KCNQ3: variants seen among roughly 807,000 people sequenced by gnomAD.
The protein encoded by KCNQ3 is potassium voltage-gated channel subfamily Q member 3.
KCNQ3 carries 30 observed loss-of-function variants against 92.5 expected under a neutral mutation model. The ratio of observed to expected loss-of-function variants is 0.32; its 90% CI spans 0.24 to 0.44. The LOEUF (loss-of-function observed/expected upper bound fraction) is 0.44, where lower values mean the gene tolerates loss of function less well. Ranked by LOEUF, KCNQ3 falls within the 20% of genes least tolerant of loss-of-function variation. The pLI is 1.00. For synonymous variants in KCNQ3, 450 were observed against 468.8 expected (o/e 0.96, Z 0.52); for missense variants, 913 against 1,140.3 (o/e 0.80, Z 2.87).
At chr8:132,151,236 C>T (rs1825627722) in intron 9 of KCNQ3, among the ~76,000 whole-genome samples, 1 of 152,096 alleles carries the variant, frequency 6.6e-6, no homozygotes, top group Admixed American at 6.5e-5. Context: ...AAACAAATTA[C>T]CAGGTTCTAC....
chr8:132,277,317 T>C (rs1816365311), intron 1 of KCNQ3, among the ~76,000 whole-genome samples: 1 of 152,218 alleles, frequency 6.6e-6, no homozygotes, highest in African/African-American at 2.4e-5. Flanking sequence ...AATCCAGTCC[T>C]CTTTCCACTC....
intron 1 of KCNQ3, among the ~76,000 whole-genome samples, chr8:132,304,005 A>G (rs1817340485): frequency 6.6e-6 from 1 of 152,182 alleles, no homozygotes; most frequent in South Asian, 2.1e-4. Flanking sequence ...TTGCAGCAAC[A>G]TGGATGGAAC....
intron 1 of KCNQ3, among the ~76,000 whole-genome samples, chr8:132,220,825 T>TC: frequency 6.6e-6 from 1 of 152,304 alleles, no homozygotes; most frequent in Admixed American, 6.5e-5. Flanking sequence ...TTTTTATTTT[T>TC]TTTATTATAC....
intron 1 of KCNQ3, among the ~76,000 whole-genome samples, chr8:132,404,000 A>C (rs1820413068): frequency 6.6e-6 from 1 of 152,154 alleles, no homozygotes; most frequent in Admixed American, 6.5e-5. Context: ...TTCTCCCTGA[A>C]TCTCTTCTGA....
chr8:132,324,694 C>A (rs142908267), intron 1 of KCNQ3, among the ~76,000 whole-genome samples: 19 of 152,276 alleles, frequency 1.2e-4, no homozygotes, highest in African/African-American at 4.1e-4. Flanking sequence ...CTGAAACCAT[C>A]GCATGGAGAG....
intron 1 of KCNQ3, among the ~76,000 whole-genome samples, chr8:132,413,843 T>G (rs1366078359): frequency 6.6e-6 from 1 of 152,236 alleles, no homozygotes; most frequent in East Asian, 1.9e-4. Context: ...TGTGTCACGC[T>G]GTCTGCAGGA....
In KCNQ3 at chr8:132,129,586, G is replaced by T. The variant is rs201183533; in HGVS notation, c.2295C>A (p.Asp765Glu). The change falls in exon 15 of 15, where the codon GAC (aspartate) becomes GAA (glutamate). Residue 765 changes from aspartate to glutamate, a missense_variant. Coordinates refer to ENST00000388996, the MANE Select transcript of KCNQ3 (RefSeq NM_004519.4). This position sits in a 1 kb window ranked among gnomAD's most constrained non-coding sequence, Gnocchi z 5.9. Reference protein sequence around the residue: ...DSRVSCHSQADLQGPYSDRIS... With the variant: ...DSRVSCHSQAELQGPYSDRIS... Reference sequence around the variant, plus strand: ...TTCGGTCCGAGTAGGGGCCCTGCAGGTCAGCCTGGGAGTGGCAGCTCACTC... The same window carrying T: ...TTCGGTCCGAGTAGGGGCCCTGCAGTTCAGCCTGGGAGTGGCAGCTCACTC... 17 of 1,614,202 alleles carry T rather than the reference G, an allele frequency of 1.1e-5. No individual in the cohort carries two copies. In the Admixed American group the frequency reaches 1.3e-4, roughly 13 times the overall value.
Position 132,141,180 on chromosome 8 carries a change from A to G in KCNQ3, c.1414T>C (p.Phe472Leu). 1 of 1,614,172 alleles carries G rather than the reference A, an allele frequency of 6.2e-7. No homozygotes were observed. The highest frequency in any genetic ancestry group is 1.1e-5 in the South Asian group (1 of 91,078). Residue 472 changes from phenylalanine to leucine, a missense_variant, in exon 10 of 15, where the codon TTC becomes CTC. Physicochemically the swap from Phe to Leu is conservative, Grantham distance 22. Transcript: ENST00000388996. ...GCTTTCATGCGGAAGGCCGTGCGGA[A>G]ACGCTCTTTATTGTTTAAGCCAACA... is the stretch of plus-strand genomic sequence containing the variant. ...KPVGLNNKER[F>L]RTAFRMKAYA...
intron 1 of KCNQ3, among the ~76,000 whole-genome samples, chr8:132,261,357 G>A (rs1815779106): frequency 6.6e-6 from 1 of 152,134 alleles, no homozygotes; most frequent in African/African-American, 2.4e-5. Context: ...CACCCAGTGG[G>A]GCTCTGCACT....
In KCNQ3 at chr8:132,184,305, A is replaced by G; in HGVS notation, c.540T>C (p.Cys180=). 1.2e-6 allele frequency: 2 copies of G among 1,614,180 alleles called. No individual in the cohort carries two copies. The highest frequency in any genetic ancestry group is 4.5e-5 in the East Asian group (2 of 44,882). ...CCCGCCAGCCTTTGTATCGGCAGCA[A>G]CATCCAGCAGCCCAGATCCTCAAAG... is the stretch of plus-strand genomic sequence containing the variant. ...EFALRIWAAG[C]CCRYKGWRGR... The change falls in exon 3 of 15, where the codon TGT becomes TGC. Residue 180 remains cysteine (C), a synonymous_variant. Coordinates refer to ENST00000388996, the MANE Select transcript of KCNQ3 (RefSeq NM_004519.4).
At chr8:132,187,196 C>T (rs959491504) in intron 1 of KCNQ3, 11 of 455,876 alleles carry the variant, frequency 2.4e-5, no homozygotes, top group African/African-American at 1.4e-4. Flanking sequence ...TTAGGTTCTA[C>T]CCATGCTTTT....
At chr8:132,297,535 T>G (rs914788356) in intron 1 of KCNQ3, among the ~76,000 whole-genome samples, 3 of 152,228 alleles carry the variant, frequency 2.0e-5, no homozygotes, top group Non-Finnish European at 4.4e-5. Flanking sequence ...TCCTAGAGCC[T>G]TTCCCACTAC....
At chr8:132,213,788 T>G (rs1298923409) in intron 1 of KCNQ3, among the ~76,000 whole-genome samples, 2 of 152,214 alleles carry the variant, frequency 1.3e-5, no homozygotes, top group Admixed American at 1.3e-4. Flanking sequence ...CTTATCAAGG[T>G]CCCCTTGACC....
In KCNQ3 at chr8:132,132,266, TAAG is replaced by T; in HGVS notation, c.1800-5_1800-3del. The T allele has an allele frequency of 6.2e-7, 1 of 1,610,082 alleles. No homozygotes were observed. The highest frequency in any genetic ancestry group is 8.5e-7 in the Non-Finnish European group (1 of 1,176,378). ...GGTCTGGCTACATATGGTTCATTCCTAAGAAGAAGCGAACACTTCTATAAGATC... is the reference window on the plus strand; with the variant it reads ...GGTCTGGCTACATATGGTTCATTCCTAAGAAGCGAACACTTCTATAAGATC... On this transcript the variant is annotated splice_region_variant and splice_polypyrimidine_tract_variant and intron_variant, in intron 13 of 14. Transcript: ENST00000388996.
In KCNQ3 at chr8:132,124,525, A is replaced by C. The variant is rs1453374050; in HGVS notation, c.*4737T>G. 6.7e-6 allele frequency: 1 copy of C among 150,374 alleles called. No individual in the cohort carries two copies. The highest frequency in any genetic ancestry group is 1.5e-5 in the Non-Finnish European group (1 of 67,334). 9.3% of individuals were successfully genotyped at this position (150,374 alleles called of 1,614,324 possible). On this transcript the variant is annotated 3_prime_UTR_variant, in exon 15 of 15. Transcript: ENST00000388996. ...CATCTCTGTATGATTCCTCTTTTACACTGCCATTACTGGCTTCTAAAACCA... is the reference window on the plus strand; with the variant it reads ...CATCTCTGTATGATTCCTCTTTTACCCTGCCATTACTGGCTTCTAAAACCA...
chr8:132,296,895 G>A (rs1817049030), intron 1 of KCNQ3, among the ~76,000 whole-genome samples: 1 of 151,960 alleles, frequency 6.6e-6, no homozygotes, highest in Non-Finnish European at 1.5e-5. Flanking sequence ...AATCCTTTGG[G>A]TATATACCCA....
intron 1 of KCNQ3, among the ~76,000 whole-genome samples, chr8:132,364,485 A>C (rs1284367852): frequency 1.3e-5 from 2 of 152,262 alleles, no homozygotes; most frequent in East Asian, 3.9e-4. Context: ...TATCATCTCA[A>C]GGTTCAGGAA....
At chr8:132,168,949 G>C (rs553169551) in intron 8 of KCNQ3, among the ~76,000 whole-genome samples, 22 of 152,072 alleles carry the variant, frequency 1.4e-4, no homozygotes, top group East Asian at 5.8e-4. Flanking sequence ...CAAGTCAAGG[G>C]TTCTAGGAGT....
chr8:132,290,524 C>G (rs12547484), intron 1 of KCNQ3, among the ~76,000 whole-genome samples: 88,942 of 151,986 alleles, frequency 0.59, 26,976 homozygotes, highest in East Asian at 0.78. Context: ...AATGGTTGGT[C>G]AGGGGACTGC....
Sources: gnomAD v4.1 joint callset for allele counts (sites outside exome capture counted in the v4.1 genomes callset) on GRCh38, gnomAD v4.1.1 for gene constraint, Gnocchi (gnomAD v3.1) non-coding constraint, MANE v1.5 for transcripts, NCBI Gene and HGNC (gene_info 2026-07-23, HGNC 2026-07-21) for gene names.